The following PADI6 variants were observed in gnomAD, a reference collection of about 807,000 sequenced individuals.
PADI6 encodes inactive protein-arginine deiminase type-6.
PADI6 carries 66 observed loss-of-function variants against 78.2 expected under a neutral mutation model. That is an observed-to-expected ratio of 0.84 (90% CI 0.69 to 1.04). The LOEUF (loss-of-function observed/expected upper bound fraction) is 1.04, where lower values mean the gene tolerates loss of function less well. Among genes scored for constraint, PADI6 ranks in the 50% least tolerant of loss-of-function variants. The pLI is 0.00. For synonymous variants in PADI6, 397 were observed against 346.9 expected, an observed-to-expected ratio of 1.14 and a Z score of -1.60; for missense variants, 854 against 866.1, an observed-to-expected ratio of 0.99 and a Z score of 0.18.
In PADI6 at chr1:17,394,417, C is replaced by T. The variant is rs1238075887; in HGVS notation, c.1300C>T (p.Leu434=). The T allele has an allele frequency of 5.0e-6, 8 of 1,613,622 alleles. No homozygotes were observed. The South Asian group carries it at 7.7e-5, about 16-fold the overall frequency. Residue 434 remains leucine, a synonymous_variant, in exon 11 of 16, where the codon CTG becomes TTG. Transcript: ENST00000619609. ...PVKVQGKEYP[L]GRVLIGSSFY... is the part of the protein sequence containing the mutation. ...CAAGGTCCAAGGGAAAGAGTACCCG[C>T]TGGGCAGAGTCCTCATTGGCAGCAG...
chr1:17,391,087 G>A (rs897421194), intron 8 of PADI6, among the ~76,000 whole-genome samples: 1 of 152,166 alleles, frequency 6.6e-6, no homozygotes, highest in African/African-American at 2.4e-5. Context: ...TTACATTGCT[G>A]TATTCTATTA....
chr1:17,377,321 G>A (rs2075028944), intron 3 of PADI6, among the ~76,000 whole-genome samples: 1 of 152,012 alleles, frequency 6.6e-6, no homozygotes, highest in Non-Finnish European at 1.5e-5. Context: ...AACGCTTCAG[G>A]GATGTTCAAC....
In PADI6 at chr1:17,382,892, G is replaced by GC. The variant is rs537930776; in HGVS notation, c.679+801dup. ...ACTAGACTCAGCTTCCTGGACTCAA[G>GC]CAGTCCTCCTACCTCACACTCCCAA... On this transcript the variant is annotated intron_variant, in intron 6 of 15. Coordinates refer to ENST00000619609, the MANE Select transcript of PADI6 (RefSeq NM_207421.4). Among the ~76,000 whole-genome samples the GC allele has an allele frequency of 7.9e-5, 12 of 152,260 alleles. No homozygotes were observed. The South Asian group carries it at 2.5e-3, about 32-fold the overall frequency.
Position 17,394,941 on chromosome 1 carries a change from T to A in PADI6, c.1338-10T>A. 1 of 1,602,172 alleles carries A rather than the reference T, an allele frequency of 6.2e-7. No individual in the cohort carries two copies. The highest frequency in any genetic ancestry group is 2.2e-5 in the East Asian group (1 of 44,710). On this transcript the variant is annotated splice_polypyrimidine_tract_variant and intron_variant, in intron 11 of 15. Transcript: ENST00000619609. ...TGGCTCAAGAGCTGTTCTTTCCATC[T>A]TCCTTCTAGCGCAGAGGGCCGGGCC...
At chr1:17,393,568 C>CA (rs2075213008) in intron 9 of PADI6, among the ~76,000 whole-genome samples, 1 of 152,158 alleles carries the variant, frequency 6.6e-6, no homozygotes, top group African/African-American at 2.4e-5. Flanking sequence ...GTGGCGCGAT[C>CA]TCAGCTCCAC....
chr1:17,380,186 ATTT>A (rs968894310), intron 4 of PADI6, among the ~76,000 whole-genome samples, 199 bp downstream of exon 4: 7 of 151,060 alleles, frequency 4.6e-5, no homozygotes, highest in African/African-American at 1.7e-4. Context: ...TTTGTGGGGT[ATTT>A]TTTTGTTTTT....
intron 15 of PADI6, among the ~76,000 whole-genome samples, chr1:17,400,524 T>G (rs1570156495): frequency 6.6e-6 from 1 of 151,242 alleles, no homozygotes; most frequent in East Asian, 1.9e-4. Context: ...GTTTGTTTGT[T>G]TTTGTTTTTT....
At chr1:17,379,660 G>T (rs1250872939) in intron 3 of PADI6, among the ~76,000 whole-genome samples, 1 of 152,230 alleles carries the variant, frequency 6.6e-6, no homozygotes, top group East Asian at 1.9e-4. Flanking sequence ...GGCATGAGAT[G>T]GCATGAGAGG....
rs144547124 is a variant in PADI6, at chr1:17,379,111, A to ATTTTTTT, written c.368-794_368-788dup. On this transcript the variant is annotated intron_variant, in intron 3 of 15. Coordinates refer to ENST00000619609, the MANE Select transcript of PADI6 (RefSeq NM_207421.4). Reference sequence around the variant, plus strand: ...AGGTACCCTCCACCATGCCCAGTTAATTTTTTTTTTTTTTTTTTTTTAAGA... The same window carrying ATTTTTTT: ...AGGTACCCTCCACCATGCCCAGTTAATTTTTTTTTTTTTTTTTTTTTTTTTTTTAAGA... Among the ~76,000 whole-genome samples, 426 of 100,780 alleles carry ATTTTTTT rather than the reference A, an allele frequency of 4.2e-3. 45 individuals are homozygous for ATTTTTTT. Among genetic ancestry groups the ATTTTTTT allele is most frequent in the African/African-American group, 0.022 (382 of 17,312 alleles). 66.1% of individuals were successfully genotyped at this position (100,780 alleles called of 152,430 possible).
intron 12 of PADI6, 92 bp downstream of exon 12, chr1:17,395,199 G>A: frequency 7.9e-7 from 1 of 1,258,806 alleles, no homozygotes; most frequent in Non-Finnish European, 1.1e-6. Flanking sequence ...GCTTTTTCTT[G>A]TTTTTTTTTT....
chr1:17,375,557 G>C (rs2075007111), intron 3 of PADI6, 58 bp downstream of exon 3: 1 of 1,476,800 alleles, frequency 6.8e-7, no homozygotes, highest in South Asian at 1.2e-5. Flanking sequence ...GTTGGGGAAG[G>C]GGTGGGATTG....
Position 17,388,895 on chromosome 1 carries a change from G to C in PADI6, c.962+15G>C. ...TACCTGTGCAGGTGAGAGACCATCA[G>C]GCTGACTGTGCCAGGCGGTTCTCAT... On this transcript the variant is annotated intron_variant, in intron 8 of 15. Transcript: ENST00000619609. 6.2e-7 allele frequency: 1 copy of C among 1,602,536 alleles called. No individual in the cohort carries two copies. Among genetic ancestry groups the C allele is most frequent in the South Asian group, 1.1e-5 (1 of 90,246 alleles).
chr1:17,375,351 G>A (rs959532361), intron 2 of PADI6, 76 bp from the exon 3 acceptor site: 4 of 1,364,630 alleles, frequency 2.9e-6, no homozygotes, highest in African/African-American at 1.4e-5. Flanking sequence ...GCCTAGACTC[G>A]GCACATGGCC....
At chr1:17,397,263 C>A (rs2075256493) in intron 14 of PADI6, 122 bp downstream of exon 14, 2 of 1,047,782 alleles carry the variant, frequency 1.9e-6, no homozygotes, top group African/African-American at 1.6e-5. Flanking sequence ...AGCTGCCTGC[C>A]ACCCTTTCTT....
intron 6 of PADI6, 89 bp downstream of exon 6, chr1:17,382,181 C>G (rs1408038050): frequency 4.0e-6 from 6 of 1,486,926 alleles, no homozygotes; most frequent in African/African-American, 1.4e-5. Flanking sequence ...AGGTCCCCAG[C>G]AGAAGCCTGC....
chr1:17,380,248 T>C (rs1003631362), intron 4 of PADI6, among the ~76,000 whole-genome samples: 1 of 152,174 alleles, frequency 6.6e-6, no homozygotes, highest in East Asian at 1.9e-4. Context: ...TTCCCTCTGT[T>C]ACCCAGGCTG....
chr1:17,388,100 C>CAGGAGCCTTGAAGGCATCAT (rs2075140904), intron 6 of PADI6, among the ~76,000 whole-genome samples: 1 of 152,202 alleles, frequency 6.6e-6, no homozygotes, highest in Non-Finnish European at 1.5e-5. Context: ...TCACACCAGT[C>CAGGAGCCTTGAAGGCATCAT]AGGAGCCTTG....
chr1:17,399,726 C>CT (rs565919643), intron 15 of PADI6, among the ~76,000 whole-genome samples: 108 of 131,990 alleles, frequency 8.2e-4, no homozygotes, highest in African/African-American at 2.8e-3. Flanking sequence ...GACCCTGCAA[C>CT]TTTAAAAAAA....
rs1213479194 is a variant in PADI6 at position 17,382,090 on chromosome 1, A to G, written c.677A>G (p.Gln226Arg). The G allele has an allele frequency of 6.2e-7, 1 of 1,613,522 alleles. No homozygotes were observed. The highest frequency in any genetic ancestry group is 1.3e-5 in the African/African-American group (1 of 74,910). The change falls in exon 6 of 16, where the codon CAA (glutamine) becomes CGA (arginine). Residue 226 changes from glutamine (Q) to arginine (R), a missense_variant and splice_region_variant. Transcript: ENST00000619609. Reference protein sequence around the residue: ...ESKKARVYWPQKDNSSTFELV... With the variant: ...ESKKARVYWPRKDNSSTFELV... ...AAGAAGGCGAGAGTCTACTGGCCCCAAAGTGAGTGTTCTTGTGCCAGCTCC... is the reference window on the plus strand; with the variant it reads ...AAGAAGGCGAGAGTCTACTGGCCCCGAAGTGAGTGTTCTTGTGCCAGCTCC...
Sources: allele counts gnomAD v4.1 joint callset (sites outside exome capture counted in the v4.1 genomes callset), GRCh38; gene constraint gnomAD v4.1.1; transcripts MANE v1.5; gene names NCBI Gene and HGNC (gene_info 2026-07-23, HGNC 2026-07-21).